The following ITGA8 variants were observed in gnomAD, a reference collection of about 807,000 sequenced individuals.
ITGA8 encodes integrin subunit alpha 8.
In ITGA8, 91 loss-of-function variants were observed where a neutral mutation model predicts 142.3. The ratio of observed to expected loss-of-function variants is 0.64; its 90% CI spans 0.54 to 0.76. The LOEUF (loss-of-function observed/expected upper bound fraction) is 0.76. ITGA8 is among the 30% of genes least tolerant of loss of function. The pLI is 0.00. For synonymous variants in ITGA8, 505 were observed against 485.2 expected (o/e 1.04, Z -0.54); for missense variants, 1,406 against 1,327.7 (o/e 1.06, Z -0.92).
At chr10:15,663,273 A>G (rs1053501942) in intron 8 of ITGA8, among the ~76,000 whole-genome samples, 5 of 152,184 alleles carry the variant, frequency 3.3e-5, no homozygotes, top group Non-Finnish European at 7.3e-5. Flanking sequence ...CAAAACACTT[A>G]AAACACAATC....
At chr10:15,577,564 A>G (rs1228975954) in intron 23 of ITGA8, among the ~76,000 whole-genome samples, 1 of 152,168 alleles carries the variant, frequency 6.6e-6, no homozygotes, top group Non-Finnish European at 1.5e-5. Flanking sequence ...TCAAAACATC[A>G]TGTCAAAATC....
chr10:15,531,163 A>G lies in ITGA8; in HGVS notation c.2881-12T>C. ...GGATCATTTTTTCTCTGAAAGTAAA[A>G]GTATTTATTTAAATATATTTCATAT... On this transcript the variant is annotated splice_polypyrimidine_tract_variant and intron_variant, in intron 27 of 29. Transcript: ENST00000378076. 1.5e-6 allele frequency: 2 copies of G among 1,337,618 alleles called. No individual in the cohort carries two copies. The highest frequency in any genetic ancestry group is 1.0e-6 in the Non-Finnish European group (1 of 984,992). 82.9% of individuals were successfully genotyped at this position (1,337,618 alleles called of 1,614,324 possible).
intron 27 of ITGA8, among the ~76,000 whole-genome samples, chr10:15,544,291 C>G (rs564746864): frequency 2.5e-4 from 37 of 150,748 alleles, no homozygotes; most frequent in African/African-American, 8.0e-4. Context: ...TAGTGAGACC[C>G]TGTCTCTACC....
chr10:15,537,950 T>A (rs1268992295), intron 27 of ITGA8, among the ~76,000 whole-genome samples: 2 of 143,562 alleles, frequency 1.4e-5, no homozygotes, highest in Non-Finnish European at 3.0e-5. Context: ...AGACTTCATC[T>A]CTACAAAAAA....
intron 27 of ITGA8, 89 bp from the exon 28 acceptor site, chr10:15,531,240 C>A: frequency 1.6e-6 from 1 of 630,084 alleles, no homozygotes; most frequent in Non-Finnish European, 2.5e-6. Context: ...TGGTGTTTTG[C>A]ATTTCAAGGC....
intron 3 of ITGA8, among the ~76,000 whole-genome samples, chr10:15,686,763 C>T (rs530602460): frequency 5.9e-5 from 9 of 152,268 alleles, no homozygotes; most frequent in South Asian, 2.1e-4. Flanking sequence ...TTTCCCATCA[C>T]GTATTTTAGA....
chr10:15,631,591 A>G (rs1318431899), intron 13 of ITGA8, among the ~76,000 whole-genome samples: 1 of 151,862 alleles, frequency 6.6e-6, no homozygotes, highest in East Asian at 1.9e-4. Flanking sequence ...GGGAAGGGAT[A>G]GCATTAGGAG....
chr10:15,550,861 T>C (rs571917623), intron 26 of ITGA8, among the ~76,000 whole-genome samples: 3 of 147,614 alleles, frequency 2.0e-5, no homozygotes, highest in East Asian at 4.1e-4. Context: ...AGAGGGAAGA[T>C]TGGGGGGCAG....
intron 2 of ITGA8, among the ~76,000 whole-genome samples, chr10:15,714,452 T>C (rs1835415310): frequency 6.6e-6 from 1 of 152,196 alleles, no homozygotes; most frequent in South Asian, 2.1e-4. Flanking sequence ...AATTTTCTTC[T>C]ATTGAAGTAA....
At chr10:15,604,430 T>A in intron 19 of ITGA8, 75 bp from the exon 20 acceptor site, 1 of 1,267,594 alleles carries the variant, frequency 7.9e-7, no homozygotes. Context: ...TAAGGATTTA[T>A]AGAGGAGGAA....
intron 2 of ITGA8, among the ~76,000 whole-genome samples, chr10:15,713,581 C>T (rs17303526): frequency 0.17 from 25,392 of 151,966 alleles, 2,094 homozygotes; most frequent in South Asian, 0.21. Flanking sequence ...GATTTCTTTC[C>T]GGGGAAACTA....
At chr10:15,622,573 C>CAAACA (rs200554965) in intron 13 of ITGA8, among the ~76,000 whole-genome samples, 21 of 65,940 alleles carry the variant, frequency 3.2e-4, no homozygotes, top group African/African-American at 8.4e-4. Context: ...ACTTTTATAG[C>CAAACA]AAACAAAACA....
At chr10:15,706,921 G>T (rs1454412587) in intron 2 of ITGA8, among the ~76,000 whole-genome samples, 3 of 152,084 alleles carry the variant, frequency 2.0e-5, no homozygotes, top group African/African-American at 4.8e-5. Context: ...GCCCCGATTT[G>T]CTTTTCTCTA....
At chr10:15,630,118 T>C (rs1833658962) in intron 13 of ITGA8, among the ~76,000 whole-genome samples, 1 of 152,184 alleles carries the variant, frequency 6.6e-6, no homozygotes, top group African/African-American at 2.4e-5. Flanking sequence ...AGAATCAGTC[T>C]GCTACTTTGA....
chr10:15,608,360 A>G, intron 15 of ITGA8, 70 bp from the exon 16 acceptor site: 1 of 851,688 alleles, frequency 1.2e-6, no homozygotes, highest in African/African-American at 1.7e-5. Context: ...TCCTTTACCT[A>G]ATCCCAGATA....
chr10:15,572,320 C>A lies in ITGA8; in HGVS notation c.2528G>T (p.Gly843Val). Reference sequence around the variant, plus strand: ...TTCATCCCGGGCAGAGAAAGGCCAGCCCACCTCCAGGATGGTGTCACTGAT... The same window carrying A: ...TTCATCCCGGGCAGAGAAAGGCCAGACCACCTCCAGGATGGTGTCACTGAT... ...STISDTILEV[G>V]WPFSARDEFL... is the part of the protein sequence containing the mutation. The change falls in exon 25 of 30, where the codon GGC becomes GTC. Residue 843 changes from glycine (G) to valine (V), a missense_variant. Coordinates refer to ENST00000378076, the MANE Select transcript of ITGA8 (RefSeq NM_003638.3). 2 of 1,614,006 alleles carry A rather than the reference C, an allele frequency of 1.2e-6. No individual in the cohort carries two copies. Among genetic ancestry groups the A allele is most frequent in the Non-Finnish European group, 1.7e-6 (2 of 1,179,942 alleles).
chr10:15,697,841 A>T (rs563243195), intron 2 of ITGA8, among the ~76,000 whole-genome samples: 1 of 152,352 alleles, frequency 6.6e-6, no homozygotes, highest in Non-Finnish European at 1.5e-5. Context: ...GTTTGCCGAC[A>T]GTTGATAGAG....
At chr10:15,667,374 T>C (rs1834416325) in intron 8 of ITGA8, among the ~76,000 whole-genome samples, 1 of 152,192 alleles carries the variant, frequency 6.6e-6, no homozygotes, top group African/African-American at 2.4e-5. Flanking sequence ...ATCCCCTTTA[T>C]CATTTTTTAT....
intron 2 of ITGA8, among the ~76,000 whole-genome samples, chr10:15,690,616 G>A (rs1308975172): frequency 1.3e-5 from 2 of 152,142 alleles, no homozygotes; most frequent in Admixed American, 1.3e-4. Context: ...GTGGCTGCCT[G>A]CAGTCCATGT....
Sources: gnomAD v4.1 joint callset for allele counts (sites outside exome capture counted in the v4.1 genomes callset) on GRCh38, gnomAD v4.1.1 for gene constraint, MANE v1.5 for transcripts, NCBI Gene and HGNC (gene_info 2026-07-23, HGNC 2026-07-21) for gene names.